Variants in TTC29 observed in about 807,000 individuals in gnomAD.
TTC29 encodes tetratricopeptide repeat protein 29.
TTC29 carries 49 observed loss-of-function variants against 58.1 expected under a neutral mutation model. The ratio of observed to expected loss-of-function variants is 0.84; its 90% CI spans 0.67 to 1.07. The LOEUF is 1.07. Ranked by LOEUF, TTC29 falls within the 50% of genes least tolerant of loss-of-function variation. The pLI, the probability that TTC29 is intolerant of heterozygous loss-of-function variation, is 0.00. For synonymous variants in TTC29, 209 were observed against 196.8 expected, an observed-to-expected ratio of 1.06 and a Z score of -0.52; for missense variants, 582 against 555.6, an observed-to-expected ratio of 1.05 and a Z score of -0.48.
At chr4:146,892,820 G>A (rs986633079) in intron 6 of TTC29, among the ~76,000 whole-genome samples, 1 of 152,084 alleles carries the variant, frequency 6.6e-6, no homozygotes, top group Non-Finnish European at 1.5e-5. Context: ...TAGGCTGATA[G>A]GCAACTTCAG....
chr4:146,821,995 T>G (rs200427131), intron 9 of TTC29, among the ~76,000 whole-genome samples: 6,716 of 150,852 alleles, frequency 0.045, 209 homozygotes, highest in East Asian at 0.13. Flanking sequence ...GTTTTTTTTT[T>G]TTTTTTTTTT....
At chr4:146,757,892 C>T (rs1409023164) in intron 11 of TTC29, among the ~76,000 whole-genome samples, 1 of 150,886 alleles carries the variant, frequency 6.6e-6, no homozygotes, top group Non-Finnish European at 1.5e-5. Flanking sequence ...ACCTCTAAAA[C>T]AAAAATACAG....
intron 6 of TTC29, among the ~76,000 whole-genome samples, chr4:146,895,466 T>G (rs372739463): frequency 6.6e-5 from 10 of 152,272 alleles, no homozygotes; most frequent in African/African-American, 2.4e-4. Context: ...CATTCTTCAC[T>G]TCTCATCAAG....
chr4:146,721,901 C>A (rs564030330), intron 11 of TTC29, among the ~76,000 whole-genome samples: 99 of 152,134 alleles, frequency 6.5e-4, no homozygotes, highest in Non-Finnish European at 1.2e-3. Flanking sequence ...GGATTCTATA[C>A]CTAGAAAACC....
chr4:146,891,811 CT>C (rs575301983), intron 6 of TTC29, among the ~76,000 whole-genome samples: 30 of 152,222 alleles, frequency 2.0e-4, no homozygotes, highest in South Asian at 1.0e-3. Context: ...AATGGAGCCT[CT>C]TTGGGGAATG....
At chr4:146,825,175 C>A (rs1028721306) in intron 9 of TTC29, among the ~76,000 whole-genome samples, 1 of 151,934 alleles carries the variant, frequency 6.6e-6, no homozygotes, top group African/African-American at 2.4e-5. Flanking sequence ...GCCTCTCAAA[C>A]TCTTTTAATT....
chr4:146,754,933 C>G (rs994923068), intron 11 of TTC29, among the ~76,000 whole-genome samples: 2 of 151,646 alleles, frequency 1.3e-5, no homozygotes, highest in Non-Finnish European at 2.9e-5. Context: ...ATATAAGATA[C>G]CCAAATCAGA....
At chr4:146,771,239 T>C (rs1376654701) in intron 11 of TTC29, among the ~76,000 whole-genome samples, 1 of 152,108 alleles carries the variant, frequency 6.6e-6, no homozygotes, top group Non-Finnish European at 1.5e-5. Context: ...AAAGACTATA[T>C]GTTGCTCAGA....
At position 146,707,317 on chromosome 4, in the gene TTC29, T is replaced by C. The variant is rs1742031664; in HGVS notation, c.1398-129A>G. The C allele has an allele frequency of 3.8e-6, 3 of 788,304 alleles. No homozygotes were observed. The South Asian group carries it at 6.4e-5, about 17-fold the overall frequency. The allele number at this position is 788,304 out of a possible 1,614,324, so 48.8% of individuals were successfully genotyped here. A position where few individuals can be genotyped will look rare whatever the true frequency, so the allele number is the denominator to read the frequency against. On this transcript the variant is annotated intron_variant, in intron 12 of 12. Transcript: ENST00000325106. The stretch of plus-strand genomic sequence containing the variant: ...TCAAAATTAAAAATACTTAACCTTA[T>C]GTGACATTTGAAAATAAATCTGTGA...
intron 4 of TTC29, among the ~76,000 whole-genome samples, chr4:146,920,823 T>G (rs533712371): frequency 6.6e-6 from 1 of 151,254 alleles, no homozygotes; most frequent in Admixed American, 6.6e-5. Flanking sequence ...TGAGAAATTA[T>G]ATATATTCTA....
intron 10 of TTC29, among the ~76,000 whole-genome samples, chr4:146,810,423 T>C (rs1013636606): frequency 6.6e-6 from 1 of 152,138 alleles, no homozygotes; most frequent in Non-Finnish European, 1.5e-5. Context: ...TCTTATGTTC[T>C]TATCAATAAA....
At chr4:146,713,287 T>TTCCTCC (rs144211688) in intron 11 of TTC29, among the ~76,000 whole-genome samples, 144,288 of 150,050 alleles carry the variant, frequency 0.96, 69,486 homozygotes, top group South Asian at 0.99. Flanking sequence ...TTTATTCGTT[T>TTCCTCC]TCCTCCTCCT....
intron 4 of TTC29, among the ~76,000 whole-genome samples, chr4:146,928,855 T>C (rs1509333): frequency 0.47 from 71,197 of 151,978 alleles, 17,502 homozygotes; most frequent in African/African-American, 0.61. Context: ...AATAAAGTGA[T>C]ATCATATCAT....
At chr4:146,843,167 A>C (rs1402093184) in intron 8 of TTC29, among the ~76,000 whole-genome samples, 1 of 152,106 alleles carries the variant, frequency 6.6e-6, no homozygotes. Flanking sequence ...AATACACATG[A>C]AGGCAAATAG....
intron 11 of TTC29, among the ~76,000 whole-genome samples, chr4:146,779,569 T>A (rs1748412249): frequency 6.6e-6 from 1 of 152,192 alleles, no homozygotes; most frequent in Admixed American, 6.6e-5. Flanking sequence ...ATAAATATTT[T>A]GAGTAAAAGA....
intron 4 of TTC29, among the ~76,000 whole-genome samples, chr4:146,920,566 A>G (rs189290321): frequency 6.6e-6 from 1 of 151,140 alleles, no homozygotes; most frequent in East Asian, 1.9e-4. Flanking sequence ...CTGCATGTGT[A>G]TTTCTCTTAC....
intron 10 of TTC29, among the ~76,000 whole-genome samples, chr4:146,814,895 A>C (rs1751293397): frequency 6.6e-6 from 1 of 152,182 alleles, no homozygotes; most frequent in Non-Finnish European, 1.5e-5. Context: ...CAGCCAAGGC[A>C]AATGTTCTAA....
Position 146,909,057 on chromosome 4 carries a change from G to A in TTC29, c.369C>T (p.Tyr123=). 1.2e-6 allele frequency: 2 copies of A among 1,613,852 alleles called. No individual in the cohort carries two copies. The highest frequency in any genetic ancestry group is 2.2e-5 in the East Asian group (1 of 44,876). The stretch of plus-strand genomic sequence containing the variant: ...TCTCAGCGTCCTCAGCCCTGGTCAG[G>A]TAATGGTACAGGTAATCCAGTTTAT... ...QPDKLDYLYH[Y]LTRAEDAERK... is the part of the protein sequence containing the mutation. Residue 123 remains tyrosine (Y), a synonymous_variant, in exon 5 of 13, where the codon TAC becomes TAT. Transcript: ENST00000325106.
At chr4:146,741,207 G>T (rs1037677546) in intron 11 of TTC29, among the ~76,000 whole-genome samples, 4 of 152,156 alleles carry the variant, frequency 2.6e-5, no homozygotes, top group Non-Finnish European at 5.9e-5. Flanking sequence ...TAGATCCAGG[G>T]TGTGAAATTT....
Sources: allele counts gnomAD v4.1 joint callset (sites outside exome capture counted in the v4.1 genomes callset), GRCh38; gene constraint gnomAD v4.1.1; transcripts MANE v1.5; gene names NCBI Gene and HGNC (gene_info 2026-07-23, HGNC 2026-07-21).